NRXN3: variants seen among roughly 807,000 people sequenced by gnomAD.
The protein encoded by NRXN3 is neurexin 3.
A neutral mutation model predicts 137.6 loss-of-function variants in NRXN3; 32 were observed. That is an observed-to-expected ratio of 0.23 (90% CI 0.18 to 0.31). The LOEUF is 0.31. NRXN3 is among the 10% of genes least tolerant of loss of function. The pLI is 1.00. For synonymous variants in NRXN3, 798 were observed against 784.5 expected (o/e 1.02, Z -0.29); for missense variants, 1,574 against 2,062.5 (o/e 0.76, Z 4.59).
intron 15 of NRXN3, among the ~76,000 whole-genome samples, chr14:79,260,549 G>A (rs2077443166): frequency 6.6e-6 from 1 of 152,048 alleles, no homozygotes; most frequent in South Asian, 2.1e-4. Context: ...GTATGATTTC[G>A]TATCTGGTGC....
intron 1 of NRXN3, among the ~76,000 whole-genome samples, chr14:78,190,368 T>A (rs1027615585): frequency 1.1e-4 from 16 of 152,054 alleles, no homozygotes; most frequent in African/African-American, 3.9e-4. Flanking sequence ...GAGAAATTCA[T>A]AGAAAAGAAA....
intron 15 of NRXN3, among the ~76,000 whole-genome samples, chr14:79,007,492 C>A (rs1044543450): frequency 6.7e-6 from 1 of 150,084 alleles, no homozygotes; most frequent in African/African-American, 2.5e-5. Flanking sequence ...AGCAATCAAC[C>A]AACCAAACAA....
chr14:78,494,659 A>C (rs1044776389), intron 4 of NRXN3, among the ~76,000 whole-genome samples: 7 of 152,110 alleles, frequency 4.6e-5, no homozygotes, highest in South Asian at 4.1e-4. Flanking sequence ...GAGCCAGCCC[A>C]AAAAAATATG....
chr14:79,059,591 G>A (rs540725527), intron 15 of NRXN3, among the ~76,000 whole-genome samples: 1 of 152,230 alleles, frequency 6.6e-6, no homozygotes, highest in Non-Finnish European at 1.5e-5. Context: ...CCAGGTAGAT[G>A]CTTGTTCTCC....
chr14:78,862,594 T>C (rs899229051), intron 10 of NRXN3, among the ~76,000 whole-genome samples: 1 of 152,126 alleles, frequency 6.6e-6, no homozygotes, highest in Non-Finnish European at 1.5e-5. Context: ...TAATTATAAC[T>C]TGCTGCTTAT....
intron 16 of NRXN3, among the ~76,000 whole-genome samples, chr14:79,521,021 T>C (rs2153702793): frequency 6.6e-6 from 1 of 152,300 alleles, no homozygotes; most frequent in South Asian, 2.1e-4. Flanking sequence ...CCAACCCAAA[T>C]GCCCATCAAT....
chr14:78,872,846 C>T (rs1462434075), intron 10 of NRXN3, among the ~76,000 whole-genome samples: 1 of 152,070 alleles, frequency 6.6e-6, no homozygotes, highest in African/African-American at 2.4e-5. Flanking sequence ...GCAGATTGGT[C>T]TCAGGGGTCA....
At chr14:78,284,510 T>C (rs1262878085) in intron 3 of NRXN3, among the ~76,000 whole-genome samples, 3 of 152,308 alleles carry the variant, frequency 2.0e-5, no homozygotes, top group African/African-American at 7.2e-5. Context: ...ATAAACTTTC[T>C]AAATTAACTG....
intron 4 of NRXN3, among the ~76,000 whole-genome samples, chr14:78,447,036 A>G (rs2094437749): frequency 6.6e-6 from 1 of 152,162 alleles, no homozygotes. Flanking sequence ...TCAAAAGCAG[A>G]TGGTACTACA....
chr14:79,678,201 C>T (rs547191552), intron 17 of NRXN3, among the ~76,000 whole-genome samples: 1 of 152,108 alleles, frequency 6.6e-6, no homozygotes, highest in South Asian at 2.1e-4. Flanking sequence ...ATTAAAGGGA[C>T]CAAGAGTTTG....
intron 15 of NRXN3, among the ~76,000 whole-genome samples, chr14:79,445,265 G>A (rs549770835): frequency 4.3e-4 from 65 of 151,780 alleles, no homozygotes; most frequent in African/African-American, 1.4e-3. Flanking sequence ...ACTTGAACCC[G>A]GGAGTCAGAG....
chr14:78,518,569 A>G (rs2096244570), intron 4 of NRXN3, among the ~76,000 whole-genome samples: 1 of 152,134 alleles, frequency 6.6e-6, no homozygotes, highest in Non-Finnish European at 1.5e-5. Context: ...TCCAGCAGAA[A>G]CAGGGTTTGA....
chr14:78,246,530 C>G (rs2067703148), intron 2 of NRXN3, among the ~76,000 whole-genome samples: 1 of 152,120 alleles, frequency 6.6e-6, no homozygotes, highest in South Asian at 2.1e-4. Flanking sequence ...TGGCTTGGAA[C>G]AGAGCAGTGC....
chr14:78,486,617 G>C (rs2095563304), intron 4 of NRXN3, among the ~76,000 whole-genome samples: 2 of 152,192 alleles, frequency 1.3e-5, no homozygotes, highest in Admixed American at 1.3e-4. Context: ...GGCTTGTCTG[G>C]TGAAAGAGTG....
chr14:79,262,866 G>A (rs973993152), intron 15 of NRXN3, among the ~76,000 whole-genome samples: 12 of 152,184 alleles, frequency 7.9e-5, no homozygotes, highest in African/African-American at 2.9e-4. Context: ...AGCGAAGAAG[G>A]AGGTGGGTAG....
At chr14:78,290,540 G>A (rs2075698991) in intron 3 of NRXN3, among the ~76,000 whole-genome samples, 1 of 152,172 alleles carries the variant, frequency 6.6e-6, no homozygotes, top group Non-Finnish European at 1.5e-5. Context: ...GCTGAGGTGG[G>A]AGGTTCACTT....
chr14:78,962,432 C>T (rs998411980), intron 11 of NRXN3, among the ~76,000 whole-genome samples: 3 of 152,066 alleles, frequency 2.0e-5, no homozygotes, highest in South Asian at 2.1e-4. Context: ...TTGAAAGAAG[C>T]GGCTGTGAGG....
At chr14:78,748,538 A>G (rs2152944938) in intron 8 of NRXN3, among the ~76,000 whole-genome samples, 1 of 152,304 alleles carries the variant, frequency 6.6e-6, no homozygotes, top group Admixed American at 6.5e-5. Context: ...GAAATTTAAA[A>G]AAATTATCCT....
chr14:79,662,193 A>AG (rs2153985455), intron 16 of NRXN3, among the ~76,000 whole-genome samples: 1 of 152,296 alleles, frequency 6.6e-6, no homozygotes, highest in East Asian at 1.9e-4. Context: ...CTTTACTCAC[A>AG]GAATGGAAAG....
Sources: allele counts gnomAD v4.1 joint callset (sites outside exome capture counted in the v4.1 genomes callset), GRCh38; gene constraint gnomAD v4.1.1; transcripts MANE v1.5; gene names NCBI Gene and HGNC (gene_info 2026-07-23, HGNC 2026-07-21).